XPNPEP1: variants seen among roughly 807,000 people sequenced by gnomAD.
XPNPEP1 encodes xaa-Pro aminopeptidase 1.
XPNPEP1 carries 39 observed loss-of-function variants against 92.4 expected under a neutral mutation model. That is an observed-to-expected ratio of 0.42 (90% CI 0.33 to 0.55). XPNPEP1 has a LOEUF of 0.55. Among genes scored for constraint, XPNPEP1 ranks in the 20% least tolerant of loss-of-function variants. The pLI, the probability that XPNPEP1 is intolerant of heterozygous loss-of-function variation, is 0.08. For synonymous variants in XPNPEP1, 307 were observed against 299.4 expected (o/e 1.03, Z -0.26); for missense variants, 654 against 856.1 (o/e 0.76, Z 2.95).
At chr10:109,882,190 A>C (rs765399389) in intron 10 of XPNPEP1, among the ~76,000 whole-genome samples, 1 of 152,134 alleles carries the variant, frequency 6.6e-6, no homozygotes, top group Non-Finnish European at 1.5e-5. Flanking sequence ...ATTTAAGCAA[A>C]CCTAAATAAT....
In XPNPEP1 at chr10:109,886,357, G is replaced by A. The variant is rs780294705; in HGVS notation, c.653-16C>T. 7 of 1,612,604 alleles carry A rather than the reference G, an allele frequency of 4.3e-6. No individual in the cohort carries two copies. The highest frequency in any genetic ancestry group is 5.9e-6 in the Non-Finnish European group (7 of 1,179,062). On this transcript the variant is annotated splice_polypyrimidine_tract_variant and intron_variant, in intron 7 of 20. Coordinates refer to ENST00000502935, the MANE Select transcript of XPNPEP1 (RefSeq NM_020383.4). ...CAGGAGATGCCTGCAAGAAACAAAT[G>A]TGCTTTAACTCCAGCCCTGGTCCCA...
In XPNPEP1 at chr10:109,907,674, C is replaced by G. The variant is rs754906540; in HGVS notation, c.246+17G>C. The G allele has an allele frequency of 6.9e-5, 111 of 1,613,924 alleles. 1 individual carries two copies. In the Middle Eastern group the frequency reaches 1.5e-3, roughly 22 times the overall value. On this transcript the variant is annotated intron_variant, in intron 3 of 20. Coordinates refer to ENST00000502935, the MANE Select transcript of XPNPEP1 (RefSeq NM_020383.4). ...AAAAGACTGAAAAGAAAGGAGAGGC[C>G]CATTGCCATGCAGTACCTGATGAGC...
intron 3 of XPNPEP1, among the ~76,000 whole-genome samples, chr10:109,899,320 C>A (rs746193013): frequency 1.3e-5 from 2 of 152,074 alleles, no homozygotes; most frequent in Non-Finnish European, 2.9e-5. Context: ...ATACCTGGGT[C>A]GGGGCTCTAA....
At chr10:109,894,269 T>C (rs1236593360) in intron 3 of XPNPEP1, among the ~76,000 whole-genome samples, 3 of 152,134 alleles carry the variant, frequency 2.0e-5, no homozygotes, top group East Asian at 1.9e-4. Flanking sequence ...CAGTGGCTCA[T>C]GCCTGTAATC....
At position 109,877,858 on chromosome 10, in the gene XPNPEP1, T is replaced by G; in HGVS notation, c.1251A>C (p.Ala417=). 6.2e-7 allele frequency: 1 copy of G among 1,614,256 alleles called. No individual in the cohort carries two copies. The highest frequency in any genetic ancestry group is 2.2e-5 in the East Asian group (1 of 44,886). Residue 417 remains alanine, a synonymous_variant, in exon 14 of 21, where the codon GCA becomes GCC. Transcript: ENST00000502935. ...TTGGGAAGCTCAGGTCCACAAAGTC[T>G]GCCTGTTGCCTGTAACAGAAAGACA... The part of the protein sequence containing the change: ...DKAEEFRRQQ[A]DFVDLSFPTI...
chr10:109,916,422 G>A (rs1282549759), intron 1 of XPNPEP1, among the ~76,000 whole-genome samples: 1 of 152,184 alleles, frequency 6.6e-6, no homozygotes, highest in Non-Finnish European at 1.5e-5. Flanking sequence ...AGGCACCAGG[G>A]GGCCTACTGT....
rs1194163889 is a variant in XPNPEP1 at position 109,869,835 on chromosome 10, A to T, written c.1773+118T>A. On this transcript the variant is annotated intron_variant, in intron 19 of 20. Transcript: ENST00000502935. ...AGACATTAAGTCTTCATCTTCCCAC[A>T]CTAAGAAACAGGAAAATTTTTAAGC... is the stretch of plus-strand genomic sequence containing the variant. 4.0e-6 allele frequency: 4 copies of T among 1,011,066 alleles called. No individual in the cohort carries two copies. In the African/African-American group the frequency reaches 6.5e-5, roughly 16 times the overall value. 62.6% of individuals were successfully genotyped at this position (1,011,066 alleles called of 1,614,324 possible). A position where few individuals can be genotyped will look rare whatever the true frequency, so the allele number is the denominator to read the frequency against.
chr10:109,897,741 C>T (rs533658442), intron 3 of XPNPEP1, among the ~76,000 whole-genome samples: 1 of 151,838 alleles, frequency 6.6e-6, no homozygotes, highest in Non-Finnish European at 1.5e-5. Context: ...ACAACCTCCA[C>T]CTCCCAGGTT....
chr10:109,891,812 T>C lies in XPNPEP1; in HGVS notation c.325A>G (p.Thr109Ala). The change falls in exon 5 of 21, where the codon ACA becomes GCA. Residue 109 changes from threonine (T) to alanine (A), a missense_variant. Thr to Ala is a moderately conservative substitution (Grantham distance 58). Coordinates refer to ENST00000502935, the MANE Select transcript of XPNPEP1 (RefSeq NM_020383.4). ...FDGSAGTAII[T>A]EEHAAMWTDG... is the part of the protein sequence containing the mutation. ...GTCCACATGGCTGCATGCTCTTCTG[T>C]GATGATGGCTGTGCCTGAAGCAGGG... 2 of 1,609,470 alleles carry C rather than the reference T, an allele frequency of 1.2e-6. No individual in the cohort carries two copies. The highest frequency in any genetic ancestry group is 1.1e-5 in the South Asian group (1 of 90,272).
intron 8 of XPNPEP1, 89 bp from the exon 9 acceptor site, chr10:109,884,237 G>T: frequency 7.9e-7 from 1 of 1,261,086 alleles, no homozygotes. Context: ...TCAGCTTGGA[G>T]TCCAGCTGCT....
intron 2 of XPNPEP1, among the ~76,000 whole-genome samples, chr10:109,910,441 G>A (rs936917673): frequency 2.6e-5 from 4 of 151,982 alleles, no homozygotes; most frequent in Non-Finnish European, 5.9e-5. Flanking sequence ...CTACTCAGGA[G>A]GCTGAGGCAG....
chr10:109,890,988 C>A (rs1467042604), intron 5 of XPNPEP1, among the ~76,000 whole-genome samples: 2 of 152,178 alleles, frequency 1.3e-5, no homozygotes, highest in Non-Finnish European at 2.9e-5. Context: ...ATCTTCTGTT[C>A]TCCAAGTTCA....
At chr10:109,870,197 C>A (rs1260630065) in intron 18 of XPNPEP1, among the ~76,000 whole-genome samples, 168 bp from the exon 19 acceptor site, 6 of 152,180 alleles carry the variant, frequency 3.9e-5, no homozygotes, top group Non-Finnish European at 7.4e-5. Flanking sequence ...TCTCATATGG[C>A]CACTTTTTTA....
At chr10:109,873,645 C>A (rs1847611412) in intron 15 of XPNPEP1, 1 of 546,106 alleles carries the variant, frequency 1.8e-6, no homozygotes, top group Non-Finnish European at 3.3e-6. Flanking sequence ...TCCAAGAGAA[C>A]TGAAAACATA....
intron 1 of XPNPEP1, among the ~76,000 whole-genome samples, chr10:109,921,632 C>A (rs1850547060): frequency 6.6e-6 from 1 of 152,194 alleles, no homozygotes; most frequent in East Asian, 1.9e-4. Flanking sequence ...GGAACAAGTT[C>A]TAAGGTTGGG....
In XPNPEP1 at chr10:109,914,999, C is replaced by A. The variant is rs1850108404; in HGVS notation, c.121+12G>T. 1 of 1,499,620 alleles carries A rather than the reference C, an allele frequency of 6.7e-7. No homozygotes were observed. Among genetic ancestry groups the A allele is most frequent in the South Asian group, 1.3e-5 (1 of 78,566 alleles). 92.9% of individuals were successfully genotyped at this position (1,499,620 alleles called of 1,614,324 possible). A position where few individuals can be genotyped will look rare whatever the true frequency, so the allele number is the denominator to read the frequency against. The stretch of plus-strand genomic sequence containing the variant: ...ACAGATGTTCCATCTAATTTCCAGA[C>A]AAAATTATTACCTGTTTCCACACCT... On this transcript the variant is annotated intron_variant, in intron 2 of 20. Transcript: ENST00000502935.
intron 12 of XPNPEP1, 146 bp downstream of exon 12, chr10:109,880,042 G>C: frequency 1.5e-6 from 1 of 654,434 alleles, no homozygotes; most frequent in Non-Finnish European, 2.5e-6. Flanking sequence ...AATTTCCAGA[G>C]AGAATTATTA....
intron 1 of XPNPEP1, among the ~76,000 whole-genome samples, chr10:109,920,664 G>T (rs1178683498): frequency 6.6e-6 from 1 of 151,882 alleles, no homozygotes; most frequent in Non-Finnish European, 1.5e-5. Context: ...AATCTCCCAA[G>T]GACCTAGGAC....
At chr10:109,919,020 G>A (rs187738240) in intron 1 of XPNPEP1, among the ~76,000 whole-genome samples, 5 of 152,252 alleles carry the variant, frequency 3.3e-5, no homozygotes, top group Admixed American at 6.5e-5. Context: ...AGGTATGAAC[G>A]TAGGCGCTAA....
Sources: allele counts gnomAD v4.1 joint callset (sites outside exome capture counted in the v4.1 genomes callset), GRCh38; gene constraint gnomAD v4.1.1; transcripts MANE v1.5; gene names NCBI Gene and HGNC (gene_info 2026-07-23, HGNC 2026-07-21).